The following DNAH7 variants were observed in gnomAD, a reference collection of about 807,000 sequenced individuals.
DNAH7 encodes dynein axonemal heavy chain 7, also known as axonemal beta dynein heavy chain 7.
DNAH7 carries 397 observed loss-of-function variants against 444.6 expected under a neutral mutation model. The observed-to-expected ratio is 0.89, with a 90% CI of 0.82 to 0.97. The LOEUF is 0.97. Ranked by LOEUF, DNAH7 falls within the 50% of genes least tolerant of loss-of-function variation. The pLI is 0.00. For missense variants in DNAH7, 4,902 were observed against 4,800.8 expected (o/e 1.02, Z -0.62); for synonymous variants, 1,636 against 1,624.4 (o/e 1.01, Z -0.17).
At chr2:196,046,138 G>C (rs1031671852) in intron 5 of DNAH7, among the ~76,000 whole-genome samples, 3 of 151,948 alleles carry the variant, frequency 2.0e-5, no homozygotes, top group African/African-American at 7.2e-5. Context: ...TAAATGTATA[G>C]CTGAGCTTAC....
chr2:195,761,279 G>C (rs1210318973), intron 61 of DNAH7, among the ~76,000 whole-genome samples: 2 of 151,878 alleles, frequency 1.3e-5, no homozygotes, highest in Admixed American at 6.6e-5. Flanking sequence ...CAGGCTATTT[G>C]AAAATACACA....
chr2:195,792,394 TACACACACACACACAC>T (rs59046004), intron 57 of DNAH7, among the ~76,000 whole-genome samples: 143 of 117,330 alleles, frequency 1.2e-3, no homozygotes, highest in African/African-American at 4.3e-3. Flanking sequence ...AACCAAAAAA[TACACACACACACACAC>T]ACACACACAC....
intron 10 of DNAH7, among the ~76,000 whole-genome samples, chr2:196,007,810 G>A (rs988707022): frequency 6.6e-6 from 1 of 152,126 alleles, no homozygotes; most frequent in African/African-American, 2.4e-5. Flanking sequence ...GTGGAACTGT[G>A]AGCCAATTCA....
At chr2:195,811,526 T>C (rs987780162) in intron 51 of DNAH7, among the ~76,000 whole-genome samples, 12 of 152,120 alleles carry the variant, frequency 7.9e-5, no homozygotes, top group Non-Finnish European at 1.5e-5. Flanking sequence ...AATTTTTGCA[T>C]TTTTTGTAGA....
intron 15 of DNAH7, among the ~76,000 whole-genome samples, chr2:195,980,058 A>G (rs1271008868): frequency 6.2e-5 from 5 of 80,654 alleles, no homozygotes; most frequent in African/African-American, 9.2e-5. Context: ...ACTCAAACTA[A>G]TACAAAAAAA....
At chr2:195,995,600 T>C (rs1404522512) in intron 12 of DNAH7, 4 of 288,604 alleles carry the variant, frequency 1.4e-5, no homozygotes, top group Non-Finnish European at 2.7e-5. Context: ...GGAGGCCAGC[T>C]AGAGAGGGGA....
intron 63 of DNAH7, among the ~76,000 whole-genome samples, chr2:195,744,233 G>T (rs1167498883): frequency 1.3e-5 from 2 of 152,344 alleles, no homozygotes; most frequent in African/African-American, 2.4e-5. Flanking sequence ...GCTCGGAGGG[G>T]CCTACGCCCA....
intron 19 of DNAH7, among the ~76,000 whole-genome samples, chr2:195,949,295 A>C (rs1574855814): frequency 6.6e-6 from 1 of 152,024 alleles, no homozygotes; most frequent in South Asian, 2.1e-4. Flanking sequence ...TTATTTATTT[A>C]TTTATTGAGA....
intron 16 of DNAH7, among the ~76,000 whole-genome samples, chr2:195,971,849 T>G (rs537935769): frequency 6.6e-6 from 1 of 152,108 alleles, no homozygotes; most frequent in Admixed American, 6.6e-5. Context: ...AGTGAGCAAT[T>G]ATGAGGTATG....
chr2:195,738,636 C>G (rs1355806117), intron 64 of DNAH7, among the ~76,000 whole-genome samples: 2 of 152,118 alleles, frequency 1.3e-5, no homozygotes, highest in Non-Finnish European at 2.9e-5. Context: ...TTTATAACCA[C>G]AATCTATACC....
chr2:195,858,378 T>A, intron 43 of DNAH7, 96 bp downstream of exon 43: 1 of 1,015,942 alleles, frequency 9.8e-7, no homozygotes, highest in Non-Finnish European at 1.3e-6. Flanking sequence ...AATTTCAGGC[T>A]AATTCGGAGA....
intron 15 of DNAH7, among the ~76,000 whole-genome samples, chr2:195,977,131 C>T (rs553997773): frequency 1.1e-4 from 16 of 152,216 alleles, no homozygotes; most frequent in African/African-American, 3.9e-4. Context: ...AAAACATAAC[C>T]TCATCAAACA....
intron 46 of DNAH7, among the ~76,000 whole-genome samples, chr2:195,847,656 A>C (rs1013724017): frequency 7.2e-5 from 11 of 152,102 alleles, no homozygotes; most frequent in African/African-American, 2.7e-4. Context: ...TAAAAAAAAA[A>C]CAAAAAAAAC....
At chr2:196,017,412 A>G (rs1695100035) in intron 9 of DNAH7, among the ~76,000 whole-genome samples, 1 of 152,192 alleles carries the variant, frequency 6.6e-6, no homozygotes, top group Non-Finnish European at 1.5e-5. Flanking sequence ...TTCTCTTTCC[A>G]TCTTTCTTTT....
intron 47 of DNAH7, among the ~76,000 whole-genome samples, chr2:195,843,511 T>C (rs535602130): frequency 1.4e-4 from 21 of 152,234 alleles, no homozygotes; most frequent in Non-Finnish European, 2.2e-4. Flanking sequence ...ACAAAAACTA[T>C]GTGATACAAC....
chr2:195,932,844 C>T (rs1271704363), intron 21 of DNAH7, among the ~76,000 whole-genome samples: 1 of 152,142 alleles, frequency 6.6e-6, no homozygotes. Context: ...AGGATTTTTG[C>T]ATCGATGTTC....
intron 63 of DNAH7, among the ~76,000 whole-genome samples, chr2:195,743,560 T>A (rs1309596808): frequency 1.3e-5 from 2 of 152,156 alleles, no homozygotes; most frequent in Non-Finnish European, 2.9e-5. Context: ...TAAAGTATGG[T>A]AAAGGGGTAG....
chr2:196,022,272 A>T (rs1575043332), intron 8 of DNAH7, among the ~76,000 whole-genome samples: 1 of 152,234 alleles, frequency 6.6e-6, no homozygotes, highest in African/African-American at 2.4e-5. Flanking sequence ...GGCAATTTTT[A>T]AAAATAAGAC....
intron 29 of DNAH7, among the ~76,000 whole-genome samples, chr2:195,896,275 G>A (rs959516064): frequency 3.9e-5 from 6 of 151,936 alleles, no homozygotes; most frequent in African/African-American, 1.5e-4. Flanking sequence ...TTTCCAATGA[G>A]TAACTTCTTT....
Sources: gnomAD v4.1 joint callset for allele counts (sites outside exome capture counted in the v4.1 genomes callset) on GRCh38, gnomAD v4.1.1 for gene constraint, MANE v1.5 for transcripts, NCBI Gene and HGNC (gene_info 2026-07-23, HGNC 2026-07-21) for gene names.